Variants in EXOC4 observed in about 807,000 individuals in gnomAD.
The protein encoded by EXOC4 is exocyst complex component 4.
EXOC4 carries 71 observed loss-of-function variants against 107.2 expected under a neutral mutation model. The ratio of observed to expected loss-of-function variants is 0.66; its 90% CI spans 0.55 to 0.81. The LOEUF is 0.81. EXOC4 is among the 30% of genes least tolerant of loss of function. The pLI, the probability that EXOC4 is intolerant of heterozygous loss-of-function variation, is 0.00. For synonymous variants in EXOC4, 456 were observed against 441.2 expected, an observed-to-expected ratio of 1.03 and a Z score of -0.42; for missense variants, 1,108 against 1,189.6, an observed-to-expected ratio of 0.93 and a Z score of 1.01.
At chr7:133,337,407 T>C (rs753683333) in intron 5 of EXOC4, among the ~76,000 whole-genome samples, 8 of 152,130 alleles carry the variant, frequency 5.3e-5, no homozygotes, top group Non-Finnish European at 8.8e-5. Flanking sequence ...TTTTCACTTT[T>C]TTTCTTATAA....
intron 17 of EXOC4, among the ~76,000 whole-genome samples, chr7:134,045,854 A>G (rs1008090491): frequency 6.6e-6 from 1 of 152,194 alleles, no homozygotes; most frequent in Admixed American, 6.5e-5. Context: ...GATAGATCAT[A>G]GAAGTGAAAT....
intron 5 of EXOC4, among the ~76,000 whole-genome samples, chr7:133,321,490 A>G (rs1041268736): frequency 2.0e-5 from 3 of 151,510 alleles, no homozygotes; most frequent in Admixed American, 1.3e-4. Flanking sequence ...TCATTGTTCA[A>G]CTCCCACTTA....
At chr7:133,880,985 G>C (rs1327396218) in intron 11 of EXOC4, among the ~76,000 whole-genome samples, 1 of 151,968 alleles carries the variant, frequency 6.6e-6, no homozygotes, top group African/African-American at 2.4e-5. Flanking sequence ...TAACTCTTTA[G>C]CCTGACAAAC....
chr7:133,632,133 A>G (rs1802606716), intron 10 of EXOC4, among the ~76,000 whole-genome samples: 1 of 152,098 alleles, frequency 6.6e-6, no homozygotes. Context: ...ATTTTTTTGT[A>G]GAAGACTCTG....
Position 133,783,720 on chromosome 7 carries a change from C to T in EXOC4, c.1515-33605C>T, listed in dbSNP as rs144203940. 7.5e-3 allele frequency among the ~76,000 whole-genome samples: 1,140 copies of T among 152,304 alleles called. 14 individuals carry two copies. The highest frequency in any genetic ancestry group is 0.026 in the African/African-American group (1,074 of 41,558). Reference sequence around the variant, plus strand: ...AAGAAGGTTTAGACTTTGACAGACTCACAAAGATAGATCAGTTCTTTCTTA... The same window carrying T: ...AAGAAGGTTTAGACTTTGACAGACTTACAAAGATAGATCAGTTCTTTCTTA... On this transcript the variant is annotated intron_variant, in intron 10 of 17. Coordinates refer to ENST00000253861, the MANE Select transcript of EXOC4 (RefSeq NM_021807.4).
intron 9 of EXOC4, among the ~76,000 whole-genome samples, chr7:133,517,496 A>G (rs1284125563): frequency 1.3e-5 from 2 of 152,206 alleles, no homozygotes; most frequent in Non-Finnish European, 2.9e-5. Context: ...TTACAAAACA[A>G]AGAGGTTTAA....
intron 12 of EXOC4, among the ~76,000 whole-genome samples, chr7:133,915,309 G>A (rs1387233644): frequency 6.6e-6 from 1 of 151,990 alleles, no homozygotes. Flanking sequence ...AGTGGAAAGA[G>A]TAAAAATACA....
chr7:133,705,874 T>C (rs974529422), intron 10 of EXOC4, among the ~76,000 whole-genome samples: 4 of 152,234 alleles, frequency 2.6e-5, no homozygotes, highest in Admixed American at 1.3e-4. Context: ...TGTTTATTTC[T>C]GAAATTTTTC....
At chr7:133,436,567 A>T (rs559771212) in intron 7 of EXOC4, among the ~76,000 whole-genome samples, 1 of 151,766 alleles carries the variant, frequency 6.6e-6, no homozygotes, top group Non-Finnish European at 1.5e-5. Flanking sequence ...ATACTTCTTT[A>T]CTAAAGCCTA....
intron 10 of EXOC4, among the ~76,000 whole-genome samples, chr7:133,663,920 A>G (rs1156264398): frequency 6.6e-6 from 1 of 152,184 alleles, no homozygotes. Context: ...AATTATTTTC[A>G]GTGTTTTACA....
At chr7:133,735,047 A>T (rs1211137568) in intron 10 of EXOC4, among the ~76,000 whole-genome samples, 3 of 20,370 alleles carry the variant, frequency 1.5e-4, no homozygotes, top group African/African-American at 1.6e-3. Flanking sequence ...CGTCTCTGCT[A>T]AAAAAAAAAA....
chr7:133,607,254 C>T (rs764593321), intron 9 of EXOC4, among the ~76,000 whole-genome samples: 2 of 152,136 alleles, frequency 1.3e-5, no homozygotes, highest in Non-Finnish European at 2.9e-5. Context: ...GAGAACTTAA[C>T]ACATGTGTCT....
chr7:133,380,740 A>G (rs1796600672), intron 7 of EXOC4, among the ~76,000 whole-genome samples: 1 of 152,192 alleles, frequency 6.6e-6, no homozygotes, highest in African/African-American at 2.4e-5. Flanking sequence ...TCTCCACATT[A>G]ATTATACACT....
At chr7:133,859,000 T>C (rs1294533379) in intron 11 of EXOC4, among the ~76,000 whole-genome samples, 1 of 152,146 alleles carries the variant, frequency 6.6e-6, no homozygotes, top group Non-Finnish European at 1.5e-5. Flanking sequence ...ATTTGACTCT[T>C]CTCCCCTGCC....
At chr7:133,677,247 C>T (rs1277418814) in intron 10 of EXOC4, among the ~76,000 whole-genome samples, 1 of 152,020 alleles carries the variant, frequency 6.6e-6, no homozygotes, top group African/African-American at 2.4e-5. Flanking sequence ...ATTGTTGTTT[C>T]TAGGAACAAA....
chr7:133,663,359 C>A (rs781273300), intron 10 of EXOC4, among the ~76,000 whole-genome samples: 7 of 152,084 alleles, frequency 4.6e-5, no homozygotes, highest in African/African-American at 7.2e-5. Context: ...CCCTGGTAAT[C>A]TGATCCATTC....
At chr7:133,678,392 T>G (rs1239031932) in intron 10 of EXOC4, among the ~76,000 whole-genome samples, 1 of 152,198 alleles carries the variant, frequency 6.6e-6, no homozygotes, top group Non-Finnish European at 1.5e-5. Flanking sequence ...GCACTATGTG[T>G]TCAGTCACAG....
chr7:133,287,516 T>C (rs1794309273), intron 2 of EXOC4, among the ~76,000 whole-genome samples: 1 of 152,120 alleles, frequency 6.6e-6, no homozygotes, highest in African/African-American at 2.4e-5. Flanking sequence ...GGTTTCACCG[T>C]GTTAGCCAGG....
At chr7:133,992,108 TTG>T (rs955251506) in intron 14 of EXOC4, among the ~76,000 whole-genome samples, 49 of 152,144 alleles carry the variant, frequency 3.2e-4, no homozygotes, top group African/African-American at 1.2e-3. Flanking sequence ...TCTTTCCATT[TTG>T]TGTGTGTGTC....
Sources: gnomAD v4.1 joint callset for allele counts (sites outside exome capture counted in the v4.1 genomes callset) on GRCh38, gnomAD v4.1.1 for gene constraint, MANE v1.5 for transcripts, NCBI Gene and HGNC (gene_info 2026-07-23, HGNC 2026-07-21) for gene names.